Variants in PCDHA3 observed in about 807,000 individuals in gnomAD.
The protein encoded by PCDHA3 is protocadherin alpha-3.
In PCDHA3, 41 loss-of-function variants were observed where a neutral mutation model predicts 62.2. The ratio of observed to expected loss-of-function variants is 0.66; its 90% confidence interval spans 0.51 to 0.86. The LOEUF (loss-of-function observed/expected upper bound fraction) is 0.86. PCDHA3 is among the 40% of genes least tolerant of loss of function. PCDHA3 has a pLI of 0.00. For missense variants in PCDHA3, 1,304 were observed against 1,241.2 expected, an observed-to-expected ratio of 1.05 and a Z score of -0.76; for synonymous variants, 640 against 555.4, an observed-to-expected ratio of 1.15 and a Z score of -2.14.
intron 3 of PCDHA3, among the ~76,000 whole-genome samples, chr5:141,003,377 T>C (rs2098121331): frequency 6.6e-6 from 1 of 152,180 alleles, no homozygotes; most frequent in African/African-American, 2.4e-5. Context: ...AGTGGTGCAA[T>C]CTCAGCTCAC....
chr5:140,879,612 G>T (rs1554170881), intron 1 of PCDHA3, among the ~76,000 whole-genome samples: 1 of 152,172 alleles, frequency 6.6e-6, no homozygotes, highest in East Asian at 1.9e-4. Context: ...ATGTGTCCAG[G>T]TACTTAGGTG....
intron 1 of PCDHA3, chr5:140,927,680 G>T: frequency 6.2e-7 from 1 of 1,614,140 alleles, no homozygotes; most frequent in Non-Finnish European, 8.5e-7. Context: ...CCAGATGAAG[G>T]GTCCAATGGG....
At chr5:140,882,864 C>G in intron 1 of PCDHA3, 2 of 1,614,200 alleles carry the variant, frequency 1.2e-6, no homozygotes, top group Non-Finnish European at 8.5e-7. Context: ...CTGAGGAAAA[C>G]ACTGGACAGA....
At chr5:140,829,107 G>C (rs1554131755) in intron 1 of PCDHA3, 2 of 1,612,092 alleles carry the variant, frequency 1.2e-6, no homozygotes, top group Admixed American at 3.3e-5. Context: ...GTTTTAGTGA[G>C]AATTTTGGAT....
At chr5:140,805,603 AT>A (rs1562201492) in intron 1 of PCDHA3, 6 of 922,354 alleles carry the variant, frequency 6.5e-6, no homozygotes, top group Non-Finnish European at 7.8e-6. Context: ...TATATATTAA[AT>A]TTCTTTATGT....
At chr5:140,951,545 G>T (rs1019007635) in intron 1 of PCDHA3, among the ~76,000 whole-genome samples, 2 of 151,950 alleles carry the variant, frequency 1.3e-5, no homozygotes, top group African/African-American at 4.8e-5. Flanking sequence ...GCAAGGGACG[G>T]GGGGAAGTGC....
rs764735564 is a variant in PCDHA3, at chr5:140,871,304, G to A, written c.2394+67713G>A. On this transcript the variant is annotated intron_variant, in intron 1 of 3. Transcript: ENST00000522353. ...CCCACTGAGGGCGCGTGCGCGCCGG[G>A]GAAGCCCACGCTGGTGTGCTCCCGC... 4.3e-6 allele frequency: 7 copies of A among 1,613,850 alleles called. No individual in the cohort carries two copies. In the East Asian group the frequency reaches 1.3e-4, roughly 31 times the overall value.
rs2150462879 is a variant in PCDHA3 at position 140,850,003 on chromosome 5, C to T, written c.2394+46412C>T. On this transcript the variant is annotated intron_variant, in intron 1 of 3. Coordinates refer to ENST00000522353, the MANE Select transcript of PCDHA3 (RefSeq NM_018906.3). ...GTGGAGCGGCGGTTGGGCGAGCGCTCGCTGTCGAGCTACGTGTCAGTGCAC... is the reference window on the plus strand; with the variant it reads ...GTGGAGCGGCGGTTGGGCGAGCGCTTGCTGTCGAGCTACGTGTCAGTGCAC... 1.5e-5 allele frequency: 24 copies of T among 1,596,910 alleles called. No homozygotes were observed. The East Asian group carries it at 5.1e-4, about 34-fold the overall frequency.
rs2150227413 is a variant in PCDHA3 at position 140,834,821 on chromosome 5, G to A, written c.2394+31230G>A. ...GGAATCTGTTCATCGCGGAATCCAG[G>A]CCGCTTGACTCTCGGTTTCCACTAG... On this transcript the variant is annotated intron_variant, in intron 1 of 3. Coordinates refer to ENST00000522353, the MANE Select transcript of PCDHA3 (RefSeq NM_018906.3). 167 of 1,612,344 alleles carry A rather than the reference G, an allele frequency of 1.0e-4. No homozygotes were observed. The East Asian group carries it at 3.7e-3, about 36-fold the overall frequency.
chr5:140,863,039 T>A (rs530548492), intron 1 of PCDHA3: 24 of 558,728 alleles, frequency 4.3e-5, no homozygotes, highest in South Asian at 3.2e-4. Flanking sequence ...GCTGCATCTG[T>A]CAGCTGGCAG....
intron 1 of PCDHA3, chr5:140,868,770 T>C (rs936187064): frequency 1.9e-5 from 5 of 257,030 alleles, no homozygotes; most frequent in Non-Finnish European, 3.7e-5. Flanking sequence ...TTAGTTTCAA[T>C]ATGACTTATA....
chr5:140,882,129 T>G lies in PCDHA3; in HGVS notation c.2394+78538T>G. 10 of 1,473,110 alleles carry G rather than the reference T, an allele frequency of 6.8e-6. No homozygotes were observed. The South Asian group carries it at 9.9e-5, about 15-fold the overall frequency. The allele number at this position is 1,473,110 out of a possible 1,614,324, so 91.3% of individuals were successfully genotyped here. On this transcript the variant is annotated intron_variant, in intron 1 of 3. Transcript: ENST00000522353. ...AAGAAAGCCGCCGTTTCTTTCTTCC[T>G]GCAGAAAATATAGCAGAAAGCGGAA...
chr5:140,815,532 T>TATATTA (rs1554126820), intron 1 of PCDHA3: 3 of 151,194 alleles, frequency 2.0e-5, no homozygotes, highest in Non-Finnish European at 4.4e-5. Flanking sequence ...ATATTGTGTA[T>TATATTA]ACATTATTTT....
intron 3 of PCDHA3, among the ~76,000 whole-genome samples, chr5:141,002,107 C>T (rs991036721): frequency 6.6e-6 from 1 of 152,246 alleles, no homozygotes. Context: ...GGGCCGGAAA[C>T]GGCTATAATC....
At position 140,803,023 on chromosome 5, in the gene PCDHA3, A is replaced by G. The variant is rs1308617274; in HGVS notation, c.1826A>G (p.Tyr609Cys). ...TCAGGCTACAACGCGTGGCTTTCGT[A>G]TGAGCTGCAGCCTGGGACCGGCGGT... ...ADSGYNAWLS[Y>C]ELQPGTGGAR... The change falls in exon 1 of 4, where the codon TAT becomes TGT. Residue 609 changes from tyrosine to cysteine, a missense_variant. Coordinates refer to ENST00000522353, the MANE Select transcript of PCDHA3 (RefSeq NM_018906.3). 1.2e-6 allele frequency: 2 copies of G among 1,613,866 alleles called. No individual in the cohort carries two copies. The highest frequency in any genetic ancestry group is 1.7e-6 in the Non-Finnish European group (2 of 1,179,926).
intron 1 of PCDHA3, among the ~76,000 whole-genome samples, chr5:140,910,278 A>G (rs1261965132): frequency 6.6e-6 from 1 of 151,132 alleles, no homozygotes; most frequent in Non-Finnish European, 1.5e-5. Flanking sequence ...TTCTAGGAAC[A>G]CCATGATTAA....
At chr5:140,823,170 G>A in intron 1 of PCDHA3, 1 of 1,613,908 alleles carries the variant, frequency 6.2e-7, no homozygotes, top group South Asian at 1.1e-5. Context: ...TCGTGAAGGA[G>A]AACAACCCGC....
chr5:140,972,244 A>G (rs2096526797), intron 1 of PCDHA3, among the ~76,000 whole-genome samples: 1 of 151,646 alleles, frequency 6.6e-6, no homozygotes, highest in African/African-American at 2.4e-5. Context: ...GGCTCAAGCA[A>G]TCCTCACACA....
intron 1 of PCDHA3, chr5:140,842,102 G>C (rs1777709784): frequency 1.9e-6 from 3 of 1,613,894 alleles, no homozygotes; most frequent in East Asian, 4.5e-5. Context: ...CGGAACAACA[G>C]TTATCAAACT....
Sources: gnomAD v4.1 joint callset for allele counts (sites outside exome capture counted in the v4.1 genomes callset) on GRCh38, gnomAD v4.1.1 for gene constraint, MANE v1.5 for transcripts, NCBI Gene and HGNC (gene_info 2026-07-23, HGNC 2026-07-21) for gene names.